ATF3: variants seen among roughly 807,000 people sequenced by gnomAD.
The protein encoded by ATF3 is cyclic AMP-dependent transcription factor ATF-3.
Under a neutral mutation model 18.4 loss-of-function variants are expected in ATF3, and 10 were observed. That is an observed-to-expected ratio of 0.54 (90% confidence interval 0.34 to 0.92). The LOEUF is 0.92. Among genes scored for constraint, ATF3 ranks in the 40% least tolerant of loss-of-function variants. ATF3 has a pLI of 0.02. For missense variants in ATF3, 183 were observed against 222.3 expected (o/e 0.82, Z 1.12); for synonymous variants, 78 against 87.9 (o/e 0.89, Z 0.63).
chr1:212,581,011 T>C (rs751299797), intron 1 of ATF3, among the ~76,000 whole-genome samples: 1 of 152,116 alleles, frequency 6.6e-6, no homozygotes, highest in Non-Finnish European at 1.5e-5. Flanking sequence ...TCAAGTGATC[T>C]GCCCAACTTG....
upstream of ATF3, among the ~76,000 whole-genome samples, chr1:212,605,296 CCT>C (rs893620632): frequency 2.6e-5 from 4 of 152,206 alleles, no homozygotes; most frequent in African/African-American, 7.2e-5. Flanking sequence ...TGATGCTGCC[CCT>C]GTTTCCTGAC....
intron 1 of ATF3, chr1:212,613,990 C>A (rs1654997316): frequency 6.6e-6 from 1 of 152,198 alleles, no homozygotes; most frequent in Admixed American, 6.5e-5. Context: ...AGAAAGGTAA[C>A]CTTGGACCGT....
chr1:212,569,384 A>C (rs537035512), intron 1 of ATF3, among the ~76,000 whole-genome samples: 1 of 152,366 alleles, frequency 6.6e-6, no homozygotes, highest in Admixed American at 6.5e-5. Context: ...CCAATAAAAA[A>C]GTTAACCAGA....
Position 212,591,363 on chromosome 1 carries a change from A to G in ATF3, c.-4-23655A>G, listed in dbSNP as rs185004087. Among the ~76,000 whole-genome samples, 10 of 152,340 alleles carry G rather than the reference A, an allele frequency of 6.6e-5. No individual in the cohort carries two copies. The East Asian group carries it at 1.9e-3, about 29-fold the overall frequency. ...GCTCCTCTTGCAAGGGAGAAAATCTAAAGTGATATCTTGGCTTATGTCTGT... is the reference window on the plus strand; with the variant it reads ...GCTCCTCTTGCAAGGGAGAAAATCTGAAGTGATATCTTGGCTTATGTCTGT... On this transcript the variant is annotated intron_variant, in intron 1 of 3. Transcript: ENST00000366981.
intron 1 of ATF3, among the ~76,000 whole-genome samples, chr1:212,572,307 G>C (rs1487727769): frequency 6.6e-6 from 1 of 151,914 alleles, no homozygotes; most frequent in South Asian, 2.1e-4. Context: ...CCCTGAGGTA[G>C]GGGGTTCGAG....
At chr1:212,570,849 GTTTA>G (rs1027023726) in intron 1 of ATF3, among the ~76,000 whole-genome samples, 2 of 152,184 alleles carry the variant, frequency 1.3e-5, no homozygotes, top group Non-Finnish European at 2.9e-5. Flanking sequence ...CTATATGACA[GTTTA>G]TTTATTCCTC....
At chr1:212,591,556 A>C (rs1664885758) in intron 1 of ATF3, among the ~76,000 whole-genome samples, 1 of 151,960 alleles carries the variant, frequency 6.6e-6, no homozygotes, top group African/African-American at 2.4e-5. Flanking sequence ...GCCCCAGTCC[A>C]TTGTGTGCAC....
intron 1 of ATF3, among the ~76,000 whole-genome samples, chr1:212,609,686 C>A (rs2102649700): frequency 6.6e-6 from 1 of 152,374 alleles, no homozygotes; most frequent in East Asian, 1.9e-4. Flanking sequence ...ACACCTGGGA[C>A]TCTCACTCTG....
upstream of ATF3, among the ~76,000 whole-genome samples, chr1:212,606,918 G>T (rs906647007): frequency 6.6e-6 from 1 of 152,174 alleles, no homozygotes; most frequent in Non-Finnish European, 1.5e-5. Flanking sequence ...GGGTGAGGGC[G>T]TGGAAGCGGA....
chr1:212,593,743 TAA>T (rs58956572), intron 1 of ATF3, among the ~76,000 whole-genome samples: 40,891 of 114,928 alleles, frequency 0.36, 7,976 homozygotes, highest in Non-Finnish European at 0.43. Flanking sequence ...CCTGTCTCTT[TAA>T]AAAAAAAAAA....
chr1:212,589,292 T>A (rs1468029021), intron 1 of ATF3, among the ~76,000 whole-genome samples: 1 of 152,216 alleles, frequency 6.6e-6, no homozygotes, highest in African/African-American at 2.4e-5. Context: ...TCATTGTAAA[T>A]GTTTTCATTC....
At chr1:212,574,289 G>A (rs1174791930) in intron 1 of ATF3, among the ~76,000 whole-genome samples, 2 of 151,552 alleles carry the variant, frequency 1.3e-5, no homozygotes, top group Non-Finnish European at 3.0e-5. Flanking sequence ...TAACTGCTAT[G>A]TTCTTATACT....
chr1:212,619,432 T>C lies in ATF3; in HGVS notation c.423T>C (p.His141=). ...QIEELKNEKQ[H]LIYMLNLHRP... ...AGGAGCTCAAGAACGAGAAGCAGCA[T>C]TTGATATACATGCTCAACCTTCATC... is the stretch of plus-strand genomic sequence containing the variant. The change falls in exon 4 of 4, where the codon CAT becomes CAC. Residue 141 remains histidine (H), a synonymous_variant. Coordinates refer to ENST00000341491, the MANE Select transcript of ATF3 (RefSeq NM_001674.4). The surrounding 1 kb of genome is among the most constrained non-coding windows in gnomAD (Gnocchi z 4.4). 6.2e-7 allele frequency: 1 copy of C among 1,614,162 alleles called. No homozygotes were observed. Among genetic ancestry groups the C allele is most frequent in the Non-Finnish European group, 8.5e-7 (1 of 1,180,030 alleles).
At chr1:212,617,375 A>T (rs1220812852) in intron 2 of ATF3, among the ~76,000 whole-genome samples, 1 of 152,202 alleles carries the variant, frequency 6.6e-6, no homozygotes, top group Non-Finnish European at 1.5e-5. Flanking sequence ...TGGCTTAAGG[A>T]TGTCAGAGCT....
chr1:212,611,918 A>G (rs915170795), intron 1 of ATF3, among the ~76,000 whole-genome samples: 1 of 152,180 alleles, frequency 6.6e-6, no homozygotes, highest in African/African-American at 2.4e-5. Flanking sequence ...TAGAAAGTCA[A>G]CTCTGATCTG....
At position 212,615,159 on chromosome 1, in the gene ATF3, G is replaced by T. The variant is rs780166886; in HGVS notation, c.138G>T (p.Arg46Ser). Residue 46 changes from arginine to serine, a missense_variant, in exon 2 of 4, where the codon AGG (arginine) becomes AGT (serine). Arg to Ser is a moderately radical substitution (Grantham distance 110). Transcript: ENST00000341491. ...NLTPFVKEEL[R>S]FAIQNKHLCH... The stretch of plus-strand genomic sequence containing the variant: ...CGCCCTTTGTCAAGGAAGAGCTGAG[G>T]TTTGCCATCCAGAACAAGCACCTCT... The T allele has an allele frequency of 6.2e-7, 1 of 1,614,188 alleles. No individual in the cohort carries two copies. The highest frequency in any genetic ancestry group is 8.5e-7 in the Non-Finnish European group (1 of 1,180,048).
At chr1:212,577,013 G>T (rs1664594927) in intron 1 of ATF3, among the ~76,000 whole-genome samples, 1 of 151,920 alleles carries the variant, frequency 6.6e-6, no homozygotes, top group African/African-American at 2.4e-5. Context: ...TTACAGGCGT[G>T]AGCCACCGAG....
chr1:212,619,012 G>C lies in ATF3; in HGVS notation c.349-346G>C. The C allele has an allele frequency of 3.1e-6, 5 of 1,613,814 alleles. No individual in the cohort carries two copies. The highest frequency in any genetic ancestry group is 4.2e-6 in the Non-Finnish European group (5 of 1,179,828). ...TCATTGAGATCTGTGACTCAGAATCGACTAAGCCACCATAAGTCTGGATTT... is the reference window on the plus strand; with the variant it reads ...TCATTGAGATCTGTGACTCAGAATCCACTAAGCCACCATAAGTCTGGATTT... On this transcript the variant is annotated intron_variant, in intron 3 of 3. Transcript: ENST00000341491. The surrounding 1 kb of genome is among the most constrained non-coding windows in gnomAD (Gnocchi z 4.4).
chr1:212,619,192 A>G lies in ATF3; in HGVS notation c.349-166A>G. Reference sequence around the variant, plus strand: ...GGTTTCTCTGAAGAAGAGGGTCTGCATTTTCCTAAACCCAGTGCTGCTCTC... The same window carrying G: ...GGTTTCTCTGAAGAAGAGGGTCTGCGTTTTCCTAAACCCAGTGCTGCTCTC... On this transcript the variant is annotated intron_variant, in intron 3 of 3. Coordinates refer to ENST00000341491, the MANE Select transcript of ATF3 (RefSeq NM_001674.4). This position sits in a 1 kb window ranked among gnomAD's most constrained non-coding sequence, Gnocchi z 4.4. 6.2e-7 allele frequency: 1 copy of G among 1,611,974 alleles called. No individual in the cohort carries two copies. Among genetic ancestry groups the G allele is most frequent in the Non-Finnish European group, 8.5e-7 (1 of 1,179,672 alleles).
Sources: allele counts gnomAD v4.1 joint callset (sites outside exome capture counted in the v4.1 genomes callset), GRCh38; gene constraint gnomAD v4.1.1; non-coding constraint Gnocchi (gnomAD v3.1); transcripts MANE v1.5; gene names NCBI Gene and HGNC (gene_info 2026-07-23, HGNC 2026-07-21).